The following OPRM1 variants were observed in gnomAD, a reference collection of about 807,000 sequenced individuals.
OPRM1 encodes opioid receptor mu 1.
A neutral mutation model predicts 31.8 loss-of-function variants in OPRM1; 27 were observed. That is an observed-to-expected ratio of 0.85 (90% confidence interval 0.63 to 1.17). OPRM1 has a LOEUF of 1.17. Ranked by LOEUF, OPRM1 falls within the 50% of genes most tolerant of loss-of-function variation. OPRM1 has a pLI of 0.00. For synonymous variants in OPRM1, 196 were observed against 189.9 expected (o/e 1.03, Z -0.26); for missense variants, 536 against 511.1 (o/e 1.05, Z -0.47).
intron 3 of OPRM1, among the ~76,000 whole-genome samples, chr6:154,165,235 C>T (rs1009978224): frequency 2.6e-5 from 4 of 152,142 alleles, no homozygotes; most frequent in African/African-American, 9.7e-5. Context: ...CCACTACTAC[C>T]AGGGTCACAG....
At chr6:154,087,511 A>G (rs966605069) in intron 1 of OPRM1, 1 of 985,502 alleles carries the variant, frequency 1.0e-6, no homozygotes, top group Admixed American at 6.1e-5. Flanking sequence ...TCAAATCCAC[A>G]TCCTCCGGAT....
intron 3 of OPRM1, among the ~76,000 whole-genome samples, chr6:154,197,552 C>T (rs912237962): frequency 2.0e-5 from 3 of 152,234 alleles, no homozygotes; most frequent in Non-Finnish European, 4.4e-5. Context: ...AAGAAGTATA[C>T]AGATTTTGCT....
At chr6:154,232,969 C>CTTTTT (rs780567029) in intron 3 of OPRM1, among the ~76,000 whole-genome samples, 1 of 134,616 alleles carries the variant, frequency 7.4e-6, no homozygotes, top group African/African-American at 2.7e-5. Flanking sequence ...TTTTTCTTTT[C>CTTTTT]TTTTTTTTTT....
intron 1 of OPRM1, among the ~76,000 whole-genome samples, chr6:154,031,212 T>C (rs1256925602): frequency 6.6e-6 from 1 of 152,220 alleles, no homozygotes; most frequent in Non-Finnish European, 1.5e-5. Flanking sequence ...TGGACAATTT[T>C]AAATTATTAT....
At chr6:154,056,080 T>C (rs982043566) in intron 1 of OPRM1, among the ~76,000 whole-genome samples, 11 of 152,072 alleles carry the variant, frequency 7.2e-5, no homozygotes, top group Admixed American at 7.2e-4. Context: ...CACAGTAAAA[T>C]TGGTCAAATG....
intron 3 of OPRM1, among the ~76,000 whole-genome samples, chr6:154,115,723 G>T (rs763408596): frequency 3.4e-4 from 52 of 152,348 alleles, no homozygotes; most frequent in Non-Finnish European, 6.5e-4. Flanking sequence ...TTCTGAGGGG[G>T]TGATCTGCCC....
At chr6:154,035,747 T>C (rs559888099), upstream of OPRM1, among the ~76,000 whole-genome samples, 6 of 152,250 alleles carry the variant, frequency 3.9e-5, no homozygotes, top group East Asian at 1.2e-3. Flanking sequence ...GATTCATCCG[T>C]GCTATGAATA....
At chr6:154,200,897 T>C (rs1007636626) in intron 3 of OPRM1, among the ~76,000 whole-genome samples, 2 of 152,200 alleles carry the variant, frequency 1.3e-5, no homozygotes, top group Admixed American at 1.3e-4. Context: ...TCTGTGTCCC[T>C]ATCCAAATCT....
chr6:154,117,284 GAGA>G (rs1796978645), intron 3 of OPRM1, among the ~76,000 whole-genome samples: 1 of 152,152 alleles, frequency 6.6e-6, no homozygotes, highest in African/African-American at 2.4e-5. Flanking sequence ...GTGCCACTTT[GAGA>G]AGAATTTCAA....
rs943856543 is a variant in OPRM1, at chr6:154,100,648, A to G, written c.1164+9176A>G. Among the ~76,000 whole-genome samples the G allele has an allele frequency of 3.3e-5, 5 of 151,892 alleles. No individual in the cohort carries two copies. The East Asian group carries it at 9.6e-4, about 29-fold the overall frequency. ...AAAATAATGTGAGCAATTTGTCTGT[A>G]TAAAGTGAAGTATTTCTTGGGAAAG... On this transcript the variant is annotated intron_variant, in intron 3 of 3. Transcript: ENST00000330432.
chr6:154,209,198 A>C (rs903033372), intron 3 of OPRM1, among the ~76,000 whole-genome samples: 3 of 152,254 alleles, frequency 2.0e-5, no homozygotes, highest in Admixed American at 6.5e-5. Flanking sequence ...ATTATTTTAT[A>C]CTGTTGAGTT....
At chr6:154,145,332 G>T (rs1798330856) in intron 3 of OPRM1, among the ~76,000 whole-genome samples, 1 of 152,202 alleles carries the variant, frequency 6.6e-6, no homozygotes, top group Admixed American at 6.5e-5. Flanking sequence ...AAGATGAACA[G>T]ACACAAAAAT....
upstream of OPRM1, among the ~76,000 whole-genome samples, chr6:154,036,570 A>G (rs1015285230): frequency 1.6e-4 from 25 of 152,010 alleles, no homozygotes; most frequent in Non-Finnish European, 5.9e-5. Flanking sequence ...CTGTAATTCT[A>G]GAAGAAAAGG....
chr6:154,229,346 G>GTTT (rs34462600), intron 3 of OPRM1, among the ~76,000 whole-genome samples: 17 of 112,640 alleles, frequency 1.5e-4, no homozygotes, highest in South Asian at 3.1e-4. Flanking sequence ...AAGTTTGCCG[G>GTTT]TTTTTTTTTT....
chr6:154,068,502 T>C (rs556853525), intron 1 of OPRM1, among the ~76,000 whole-genome samples: 9 of 152,284 alleles, frequency 5.9e-5, no homozygotes, highest in African/African-American at 2.2e-4. Flanking sequence ...CATTATGTCC[T>C]CCAGGTTGAC....
chr6:154,019,230 A>T (rs1459616727), intron 1 of OPRM1, among the ~76,000 whole-genome samples: 1 of 141,696 alleles, frequency 7.1e-6, no homozygotes, highest in African/African-American at 2.6e-5. Context: ...TTAAAAAATC[A>T]TCTTTATTTT....
intron 1 of OPRM1, among the ~76,000 whole-genome samples, chr6:154,065,713 A>G (rs1426700408): frequency 6.6e-6 from 1 of 151,678 alleles, no homozygotes; most frequent in Non-Finnish European, 1.5e-5. Context: ...ATCTGCAAAC[A>G]TATTCATTTT....
chr6:154,078,574 G>A (rs948119089), intron 1 of OPRM1, among the ~76,000 whole-genome samples: 6 of 152,190 alleles, frequency 3.9e-5, no homozygotes, highest in Non-Finnish European at 7.3e-5. Flanking sequence ...ACTTAATTAT[G>A]AAAAACACAT....
intron 1 of OPRM1, among the ~76,000 whole-genome samples, chr6:154,029,276 T>TA (rs147062838): frequency 7.5e-4 from 113 of 151,522 alleles, no homozygotes; most frequent in African/African-American, 1.4e-3. Flanking sequence ...ATGTTTCCTT[T>TA]AAAAAAAAAC....
Sources: allele counts gnomAD v4.1 joint callset (sites outside exome capture counted in the v4.1 genomes callset), GRCh38; gene constraint gnomAD v4.1.1; transcripts MANE v1.5; gene names NCBI Gene and HGNC (gene_info 2026-07-23, HGNC 2026-07-21).